ADGRG2: variants seen among roughly 807,000 people sequenced by gnomAD.
ADGRG2 encodes G protein-coupled receptor 64.
ADGRG2 carries 26 observed loss-of-function variants against 74.1 expected under a neutral mutation model. The ratio of observed to expected loss-of-function variants is 0.35; its 90% CI spans 0.26 to 0.49. The LOEUF (loss-of-function observed/expected upper bound fraction) is 0.49. Among genes scored for constraint, ADGRG2 ranks in the 20% least tolerant of loss-of-function variants. The pLI is 0.99. For missense variants in ADGRG2, 619 were observed against 763.1 expected, an observed-to-expected ratio of 0.81 and a Z score of 2.22; for synonymous variants, 296 against 295.2, an observed-to-expected ratio of 1.00 and a Z score of -0.03.
chrX:19,104,441 G>C (rs1331087751), intron 1 of ADGRG2, among the ~76,000 whole-genome samples: 1 of 111,734 alleles, frequency 8.9e-6, no homozygotes. Context: ...TCCATTATCA[G>C]GCTTATTTCC....
intron 2 of ADGRG2, 86 bp downstream of exon 2, chrX:19,082,616 G>A (rs749910705): frequency 2.7e-5 from 3 of 110,860 alleles, no homozygotes; most frequent in Admixed American, 1.9e-4. Context: ...TTGCAATGAA[G>A]GAGGGAAAAT....
chrX:19,059,491 T>A (rs868412391), intron 3 of ADGRG2, among the ~76,000 whole-genome samples: 1 of 111,528 alleles, frequency 9.0e-6, no homozygotes, highest in Admixed American at 9.5e-5. Flanking sequence ...CGTGAGATGA[T>A]GTATGCGAAG....
At chrX:18,993,456 G>A (rs776915998) in intron 28 of ADGRG2, among the ~76,000 whole-genome samples, 1 of 108,822 alleles carries the variant, frequency 9.2e-6, no homozygotes, top group South Asian at 4.1e-4. Flanking sequence ...GCTGAGGCGG[G>A]AGGATCACTT....
Position 19,106,967 on chromosome X carries a change from C to A in ADGRG2, c.-47+15475G>T, listed in dbSNP as rs75855596. Among the ~76,000 whole-genome samples, 3 of 110,223 alleles carry A rather than the reference C, an allele frequency of 2.7e-5. No individual in the cohort carries two copies. In the East Asian group the frequency reaches 8.6e-4, roughly 32 times the overall value. On this transcript the variant is annotated intron_variant, in intron 1 of 28. Coordinates refer to ENST00000379869, the MANE Select transcript of ADGRG2 (RefSeq NM_001079858.3). Reference sequence around the variant, plus strand: ...GCTTTGTCTGCTGCTTTAATGCAGGCTACACACAACCTGGTTCTGCCGGCA... The same window carrying A: ...GCTTTGTCTGCTGCTTTAATGCAGGATACACACAACCTGGTTCTGCCGGCA...
At chrX:19,003,193 C>A in intron 23 of ADGRG2, 79 bp from the exon 24 acceptor site, 1 of 740,904 alleles carries the variant, frequency 1.3e-6, no homozygotes, top group South Asian at 2.5e-5. Context: ...AAGATAAGGT[C>A]TGGCTCTGTC....
chrX:19,043,967 A>G (rs924699389), intron 3 of ADGRG2, among the ~76,000 whole-genome samples: 1 of 111,485 alleles, frequency 9.0e-6, no homozygotes, highest in East Asian at 2.8e-4. Flanking sequence ...CCCGCCAAAC[A>G]TTTAAGTTGA....
At chrX:19,083,797 T>A (rs754975886) in intron 1 of ADGRG2, among the ~76,000 whole-genome samples, 1 of 111,933 alleles carries the variant, frequency 8.9e-6, no homozygotes, top group South Asian at 3.8e-4. Flanking sequence ...TGACAGTCAC[T>A]TCACGTAATG....
intron 3 of ADGRG2, among the ~76,000 whole-genome samples, chrX:19,054,678 A>T (rs2061380615): frequency 1.8e-5 from 2 of 112,291 alleles, no homozygotes; most frequent in South Asian, 7.4e-4. Flanking sequence ...GCTCATTAGC[A>T]TGCTAGCATG....
intron 3 of ADGRG2, among the ~76,000 whole-genome samples, chrX:19,041,643 G>A (rs1389430615): frequency 2.7e-5 from 3 of 111,613 alleles, no homozygotes; most frequent in Non-Finnish European, 5.6e-5. Context: ...GACTGAATGA[G>A]TGCCCAAGTT....
At chrX:19,044,573 T>G (rs1418687937) in intron 3 of ADGRG2, among the ~76,000 whole-genome samples, 2 of 111,815 alleles carry the variant, frequency 1.8e-5, no homozygotes, top group Non-Finnish European at 3.8e-5. Flanking sequence ...TTATGGAGAA[T>G]GAGTTGCAAG....
chrX:19,015,457 C>A (rs1234217005), intron 15 of ADGRG2, among the ~76,000 whole-genome samples: 1 of 112,745 alleles, frequency 8.9e-6, no homozygotes, highest in Non-Finnish European at 1.9e-5. Flanking sequence ...CGATGGCTCA[C>A]GCCTGTAATC....
intron 26 of ADGRG2, 132 bp downstream of exon 26, chrX:18,998,864 A>G (rs1163168433): frequency 7.8e-6 from 4 of 515,721 alleles, no homozygotes; most frequent in Non-Finnish European, 1.3e-5. Context: ...ACTTTATTGC[A>G]ATATTTGCTT....
At chrX:19,061,599 G>C (rs2061490444) in intron 3 of ADGRG2, among the ~76,000 whole-genome samples, 1 of 111,747 alleles carries the variant, frequency 8.9e-6, no homozygotes, top group Non-Finnish European at 1.9e-5. Flanking sequence ...AAAAATTCCT[G>C]AGCTGCCTTT....
intron 4 of ADGRG2, 98 bp from the exon 5 acceptor site, chrX:19,037,734 G>T (rs2060971866): frequency 6.9e-6 from 4 of 583,339 alleles, no homozygotes; most frequent in Non-Finnish European, 1.1e-5. Flanking sequence ...AAAAGAAGTA[G>T]AAAACACACT....
intron 1 of ADGRG2, among the ~76,000 whole-genome samples, chrX:19,110,777 A>G (rs932966873): frequency 4.5e-5 from 5 of 111,442 alleles, no homozygotes; most frequent in African/African-American, 1.6e-4. Flanking sequence ...AACAGTTAGT[A>G]TAAAAGACTA....
chrX:19,100,194 C>T (rs1387547525), intron 1 of ADGRG2, among the ~76,000 whole-genome samples: 2 of 112,748 alleles, frequency 1.8e-5, no homozygotes, highest in Non-Finnish European at 3.7e-5. Flanking sequence ...GTGTTCCTGA[C>T]AACGCTTTAG....
intron 15 of ADGRG2, among the ~76,000 whole-genome samples, chrX:19,018,500 AT>A (rs199631388): frequency 1.8e-5 from 2 of 109,259 alleles, no homozygotes; most frequent in Admixed American, 9.9e-5. Flanking sequence ...GGGAATCAGT[AT>A]TTTTTTTTAA....
At chrX:19,008,177 G>A in intron 18 of ADGRG2, 54 bp from the exon 19 acceptor site, 4 of 894,357 alleles carry the variant, frequency 4.5e-6, no homozygotes, top group Non-Finnish European at 6.2e-6. Context: ...ATAATGAGAT[G>A]GAAAACACAT....
chrX:19,070,275 T>C (rs1219709631), intron 2 of ADGRG2, among the ~76,000 whole-genome samples: 1 of 112,767 alleles, frequency 8.9e-6, no homozygotes, highest in Non-Finnish European at 1.9e-5. Flanking sequence ...TATATCAGAA[T>C]TGAATTTAAA....
Sources: gnomAD v4.1 joint callset for allele counts (sites outside exome capture counted in the v4.1 genomes callset) on GRCh38, gnomAD v4.1.1 for gene constraint, MANE v1.5 for transcripts, NCBI Gene and HGNC (gene_info 2026-07-23, HGNC 2026-07-21) for gene names.